LRP1B: variants seen among roughly 807,000 people sequenced by gnomAD.
The protein encoded by LRP1B is low-density lipoprotein receptor-related protein 1B.
LRP1B carries 217 observed loss-of-function variants against 556.6 expected under a neutral mutation model. The ratio of observed to expected loss-of-function variants is 0.39; its 90% CI spans 0.35 to 0.44. The LOEUF (loss-of-function observed/expected upper bound fraction) is 0.44. Among genes scored for constraint, LRP1B ranks in the 20% least tolerant of loss-of-function variants. The pLI is 1.00. For missense variants in LRP1B, 5,053 were observed against 5,620.8 expected (o/e 0.90, Z 3.23); for synonymous variants, 2,047 against 1,865.8 (o/e 1.10, Z -2.50).
In LRP1B at chr2:140,562,791, T is replaced by A. The variant is rs534321091; in HGVS notation, c.7195-20820A>T. On this transcript the variant is annotated intron_variant, in intron 43 of 90. Coordinates refer to ENST00000389484, the MANE Select transcript of LRP1B (RefSeq NM_018557.3). ...ATGCACCACCACACCTATTTTTGTA[T>A]TTTTAGTAGAGATAGGGTTTCACCA... Among the ~76,000 whole-genome samples, 232 of 152,124 alleles carry A rather than the reference T, an allele frequency of 1.5e-3. 1 individual carries two copies. The highest frequency in any genetic ancestry group is 3.4e-3 in the Middle Eastern group (1 of 294).
intron 49 of LRP1B, among the ~76,000 whole-genome samples, chr2:140,520,518 T>C (rs1458246272): frequency 1.3e-5 from 2 of 151,946 alleles, no homozygotes; most frequent in Non-Finnish European, 2.9e-5. Flanking sequence ...GGCGAGTTGA[T>C]GGGTGCAGCA....
intron 20 of LRP1B, among the ~76,000 whole-genome samples, chr2:140,942,282 A>G (rs1209264285): frequency 2.6e-5 from 4 of 152,196 alleles, no homozygotes; most frequent in Admixed American, 2.6e-4. Context: ...CCTCTGAGAA[A>G]TATGGGATTA....
intron 29 of LRP1B, 85 bp from the exon 30 acceptor site, chr2:140,841,177 G>T: frequency 2.4e-6 from 2 of 838,296 alleles, no homozygotes; most frequent in Non-Finnish European, 3.6e-6. Flanking sequence ...CTATCTAAGG[G>T]AAAATTTAAT....
intron 2 of LRP1B, among the ~76,000 whole-genome samples, chr2:141,620,922 G>T: frequency 6.9e-6 from 1 of 145,944 alleles, no homozygotes; most frequent in Non-Finnish European, 1.5e-5. Context: ...CTTCCAAAAA[G>T]TCATGAAGAA....
intron 2 of LRP1B, among the ~76,000 whole-genome samples, chr2:141,652,322 T>C (rs1185112161): frequency 6.6e-6 from 1 of 152,174 alleles, no homozygotes; most frequent in Non-Finnish European, 1.5e-5. Flanking sequence ...TATACATAGA[T>C]TAAGTTAGAT....
intron 35 of LRP1B, among the ~76,000 whole-genome samples, chr2:140,733,070 T>A (rs1559083588): frequency 1.3e-5 from 2 of 152,128 alleles, no homozygotes; most frequent in Non-Finnish European, 2.9e-5. Context: ...ATAAGCCTCA[T>A]AGATCTTAAA....
intron 18 of LRP1B, among the ~76,000 whole-genome samples, chr2:140,959,173 G>A (rs902936633): frequency 2.7e-4 from 41 of 151,154 alleles, no homozygotes; most frequent in African/African-American, 9.9e-4. Context: ...GATACATAAA[G>A]TTTTATGCAA....
rs182393845 is a variant in LRP1B, at chr2:141,361,552, C to T, written c.344-106911G>A. ...AAAAACCCTAAAGATTAGAAATACT[C>T]GACAGTAAAACATATCTCGATGTGT... On this transcript the variant is annotated intron_variant, in intron 3 of 90. Coordinates refer to ENST00000389484, the MANE Select transcript of LRP1B (RefSeq NM_018557.3). Among the ~76,000 whole-genome samples, 770 of 152,190 alleles carry T rather than the reference C, an allele frequency of 5.1e-3. 5 individuals are homozygous for T. Among genetic ancestry groups the T allele is most frequent in the Non-Finnish European group, 7.6e-3 (520 of 67,992 alleles).
At chr2:140,873,755 T>C in intron 25 of LRP1B, among the ~76,000 whole-genome samples, 1 of 151,976 alleles carries the variant, frequency 6.6e-6, no homozygotes, top group Middle Eastern at 3.4e-3. Flanking sequence ...ATATATTTCA[T>C]TATTTAGGTA....
chr2:141,276,264 T>C (rs1362457473), intron 3 of LRP1B, among the ~76,000 whole-genome samples: 3 of 152,044 alleles, frequency 2.0e-5, no homozygotes, highest in African/African-American at 7.3e-5. Flanking sequence ...TGTAAATTAT[T>C]TCAATTATTC....
At chr2:140,428,441 C>A (rs902924314) in intron 66 of LRP1B, among the ~76,000 whole-genome samples, 1 of 152,314 alleles carries the variant, frequency 6.6e-6, no homozygotes, top group Middle Eastern at 3.4e-3. Context: ...GGCCACCAGG[C>A]CAAGGAATGC....
intron 86 of LRP1B, among the ~76,000 whole-genome samples, chr2:140,252,984 G>T (rs1198109983): frequency 1.3e-5 from 2 of 151,814 alleles, no homozygotes; most frequent in East Asian, 3.9e-4. Flanking sequence ...TAAATACTTT[G>T]GTACTATAAT....
chr2:142,096,225 T>C (rs1559068715), intron 1 of LRP1B, among the ~76,000 whole-genome samples: 1 of 151,658 alleles, frequency 6.6e-6, no homozygotes, highest in Non-Finnish European at 1.5e-5. Context: ...GATGGGCCAA[T>C]CAAAGAATCC....
At chr2:140,350,386 A>G (rs1035094508) in intron 77 of LRP1B, among the ~76,000 whole-genome samples, 1 of 152,168 alleles carries the variant, frequency 6.6e-6, no homozygotes, top group Admixed American at 6.6e-5. Flanking sequence ...CAGTAGAAGT[A>G]TATTTATGAT....
intron 7 of LRP1B, among the ~76,000 whole-genome samples, chr2:141,187,729 T>C (rs983703244): frequency 2.0e-5 from 3 of 152,110 alleles, no homozygotes; most frequent in Middle Eastern, 3.4e-3. Flanking sequence ...TTAAACATTT[T>C]ATGACTATAT....
rs545191922 is a variant in LRP1B, at chr2:140,872,012, T to TTG, written c.4170-3751_4170-3750dup. Among the ~76,000 whole-genome samples, 421 of 150,540 alleles carry TTG rather than the reference T, an allele frequency of 2.8e-3. 1 individual carries two copies. The highest frequency in any genetic ancestry group is 0.019 in the East Asian group (97 of 5,138). On this transcript the variant is annotated intron_variant, in intron 25 of 90. Coordinates refer to ENST00000389484, the MANE Select transcript of LRP1B (RefSeq NM_018557.3). ...TGTGTATGTGTCTATGTGTGTCTAT[T>TTG]TGTGTGTGTGTGTGTGTTTGTATTT...
At chr2:142,043,087 C>T (rs949588552) in intron 1 of LRP1B, among the ~76,000 whole-genome samples, 1 of 151,532 alleles carries the variant, frequency 6.6e-6, no homozygotes, top group African/African-American at 2.4e-5. Flanking sequence ...TCTACCTAAT[C>T]ATAATCTGTC....
At chr2:141,945,850 T>C (rs897493110) in intron 1 of LRP1B, among the ~76,000 whole-genome samples, 1 of 152,160 alleles carries the variant, frequency 6.6e-6, no homozygotes, top group Non-Finnish European at 1.5e-5. Context: ...TTCCTAAACA[T>C]ATTGTTTCAG....
intron 35 of LRP1B, among the ~76,000 whole-genome samples, chr2:140,752,607 G>A (rs1688620629): frequency 6.6e-6 from 1 of 152,124 alleles, no homozygotes; most frequent in Non-Finnish European, 1.5e-5. Flanking sequence ...TGACAGGCGT[G>A]AGCCACCACG....
Sources: allele counts gnomAD v4.1 joint callset (sites outside exome capture counted in the v4.1 genomes callset), GRCh38; gene constraint gnomAD v4.1.1; transcripts MANE v1.5; gene names NCBI Gene and HGNC (gene_info 2026-07-23, HGNC 2026-07-21).